Variants in SLC26A7 observed in about 807,000 individuals in gnomAD.
SLC26A7 encodes the protein solute carrier family 26 member 7.
In SLC26A7, 59 loss-of-function variants were observed where a neutral mutation model predicts 82.5. That is an observed-to-expected ratio of 0.72 (90% CI 0.58 to 0.89). SLC26A7 has a LOEUF of 0.89. Ranked by LOEUF, SLC26A7 falls within the 40% of genes least tolerant of loss-of-function variation. The probability of loss-of-function intolerance (pLI) is 0.00; values close to 1 mark genes in which losing one functional copy is unlikely to be tolerated. For synonymous variants in SLC26A7, 271 were observed against 274.3 expected, an observed-to-expected ratio of 0.99 and a Z score of 0.12; for missense variants, 820 against 793.0, an observed-to-expected ratio of 1.03 and a Z score of -0.41.
At chr8:91,255,954 C>G (rs1810789959) in intron 2 of SLC26A7, among the ~76,000 whole-genome samples, 1 of 152,128 alleles carries the variant, frequency 6.6e-6, no homozygotes, top group Admixed American at 6.6e-5. Flanking sequence ...TGAACCATCC[C>G]TGCTCTTTTC....
chr8:91,382,793 C>T (rs1488073490), intron 15 of SLC26A7, among the ~76,000 whole-genome samples: 1 of 152,088 alleles, frequency 6.6e-6, no homozygotes, highest in Non-Finnish European at 1.5e-5. Context: ...GTCCAATGAA[C>T]AAAATGTTTG....
At chr8:91,315,965 T>C (rs1346540799) in intron 4 of SLC26A7, among the ~76,000 whole-genome samples, 1 of 152,182 alleles carries the variant, frequency 6.6e-6, no homozygotes, top group Non-Finnish European at 1.5e-5. Flanking sequence ...GCTTGGAGAA[T>C]TTCAGTAGGT....
chr8:91,235,170 C>T (rs1810377416), intron 2 of SLC26A7, among the ~76,000 whole-genome samples: 1 of 152,160 alleles, frequency 6.6e-6, no homozygotes, highest in South Asian at 2.1e-4. Context: ...GCAATCCTTT[C>T]ACCTCAGCCT....
At chr8:91,343,517 T>C (rs942088928) in intron 9 of SLC26A7, 51 bp downstream of exon 9, 5 of 1,264,718 alleles carry the variant, frequency 4.0e-6, no homozygotes, top group East Asian at 2.3e-5. Flanking sequence ...TTCACTCCCA[T>C]TCTAGGAGAG....
chr8:91,377,059 T>C (rs1385921869), intron 15 of SLC26A7, among the ~76,000 whole-genome samples: 1 of 152,100 alleles, frequency 6.6e-6, no homozygotes, highest in East Asian at 1.9e-4. Context: ...ATGTCCTCCA[T>C]TGCAGGGCTG....
At chr8:91,213,218 A>T (rs1809967784) in intron 1 of SLC26A7, among the ~76,000 whole-genome samples, 1 of 152,172 alleles carries the variant, frequency 6.6e-6, no homozygotes, top group African/African-American at 2.4e-5. Context: ...TGGCTGGAAC[A>T]TGATGGGATT....
intron 15 of SLC26A7, among the ~76,000 whole-genome samples, chr8:91,376,074 C>T (rs943923875): frequency 3.3e-5 from 5 of 151,862 alleles, no homozygotes; most frequent in African/African-American, 1.2e-4. Flanking sequence ...TTGTTTAATT[C>T]TAGGTGTTCT....
chr8:91,391,838 T>C (rs1046835152), intron 16 of SLC26A7, among the ~76,000 whole-genome samples: 4 of 151,664 alleles, frequency 2.6e-5, no homozygotes, highest in African/African-American at 9.7e-5. Context: ...GCCAGTATGG[T>C]TTTTGTTGTT....
chr8:91,323,881 C>T (rs556512178), intron 5 of SLC26A7, among the ~76,000 whole-genome samples: 4 of 145,794 alleles, frequency 2.7e-5, no homozygotes, highest in Non-Finnish European at 5.9e-5. Flanking sequence ...TGCAGTGGTG[C>T]CATCTCGGCT....
intron 3 of SLC26A7, among the ~76,000 whole-genome samples, chr8:91,292,380 G>A (rs1056331152): frequency 2.6e-5 from 4 of 151,790 alleles, no homozygotes; most frequent in African/African-American, 9.7e-5. Flanking sequence ...GACTAATTAT[G>A]TTTTGACCTT....
At chr8:91,268,259 C>T (rs901580640) in intron 2 of SLC26A7, among the ~76,000 whole-genome samples, 7 of 151,756 alleles carry the variant, frequency 4.6e-5, no homozygotes, top group African/African-American at 7.2e-5. Context: ...TACTGTATTG[C>T]AACTGATCTC....
chr8:91,283,516 T>C (rs998651319), intron 2 of SLC26A7, among the ~76,000 whole-genome samples: 4 of 152,220 alleles, frequency 2.6e-5, no homozygotes, highest in African/African-American at 9.6e-5. Context: ...AGCACAGGAT[T>C]GAATCTTTCA....
At chr8:91,293,424 CAT>C (rs1421186947) in intron 3 of SLC26A7, among the ~76,000 whole-genome samples, 1 of 152,250 alleles carries the variant, frequency 6.6e-6, no homozygotes, top group Non-Finnish European at 1.5e-5. Context: ...AACAGCCACA[CAT>C]ATTCACTGGC....
chr8:91,292,778 G>A (rs568976812), intron 3 of SLC26A7, among the ~76,000 whole-genome samples: 1 of 151,826 alleles, frequency 6.6e-6, no homozygotes, highest in Non-Finnish European at 1.5e-5. Flanking sequence ...ACTTTTTGTG[G>A]CTTGCAAAGA....
At chr8:91,365,216 G>T (rs957202363) in intron 13 of SLC26A7, among the ~76,000 whole-genome samples, 10 of 150,896 alleles carry the variant, frequency 6.6e-5, no homozygotes, top group South Asian at 2.1e-4. Context: ...TGTAGTGCAG[G>T]GTTGTCCAAT....
intron 2 of SLC26A7, among the ~76,000 whole-genome samples, chr8:91,280,950 A>T (rs779880495): frequency 6.6e-6 from 1 of 152,180 alleles, no homozygotes; most frequent in Non-Finnish European, 1.5e-5. Flanking sequence ...CAACCTGGAT[A>T]TCTGTGGTAG....
upstream of SLC26A7, among the ~76,000 whole-genome samples, chr8:91,247,450 A>G (rs755079127): frequency 6.6e-6 from 1 of 152,154 alleles, no homozygotes; most frequent in Non-Finnish European, 1.5e-5. Flanking sequence ...ATTGCTGATT[A>G]TAAATAGGCA....
chr8:91,371,182 G>C (rs373868618), intron 15 of SLC26A7, among the ~76,000 whole-genome samples: 2 of 151,784 alleles, frequency 1.3e-5, no homozygotes, highest in Non-Finnish European at 3.0e-5. Context: ...TGAAGAAATA[G>C]GTTGATGCTG....
intron 4 of SLC26A7, among the ~76,000 whole-genome samples, chr8:91,299,889 C>T (rs558998905): frequency 4.0e-4 from 61 of 151,888 alleles, no homozygotes; most frequent in African/African-American, 1.1e-3. Context: ...CTAAAAAGTG[C>T]GTAAGTTAAA....
Sources: allele counts gnomAD v4.1 joint callset (sites outside exome capture counted in the v4.1 genomes callset), GRCh38; gene constraint gnomAD v4.1.1; transcripts MANE v1.5; gene names NCBI Gene and HGNC (gene_info 2026-07-23, HGNC 2026-07-21).